PNPLA1: variants seen among roughly 807,000 people sequenced by gnomAD.
PNPLA1 encodes omega-hydroxyceramide transacylase.
A neutral mutation model predicts 51.7 loss-of-function variants in PNPLA1; 36 were observed. The ratio of observed to expected loss-of-function variants is 0.70; its 90% CI spans 0.53 to 0.92. The LOEUF (loss-of-function observed/expected upper bound fraction) is 0.92, where lower values mean the gene tolerates loss of function less well. PNPLA1 is among the 40% of genes least tolerant of loss of function. The pLI is 0.00. For synonymous variants in PNPLA1, 293 were observed against 280.1 expected (o/e 1.05, Z -0.46); for missense variants, 658 against 682.5 (o/e 0.96, Z 0.40).
chr6:36,305,538 A>G (rs1582104273), intron 6 of PNPLA1, among the ~76,000 whole-genome samples: 1 of 152,090 alleles, frequency 6.6e-6, no homozygotes. Context: ...ATTAACCTTC[A>G]TGTATTATGT....
intron 1 of PNPLA1, among the ~76,000 whole-genome samples, chr6:36,278,035 G>C (rs1770165309): frequency 6.6e-6 from 1 of 152,162 alleles, no homozygotes; most frequent in Non-Finnish European, 1.5e-5. Flanking sequence ...TGCCTAGAAT[G>C]ACCCTCTGCC....
chr6:36,250,442 C>A (rs4713941), intron 1 of PNPLA1, among the ~76,000 whole-genome samples: 2 of 151,986 alleles, frequency 1.3e-5, no homozygotes, highest in Non-Finnish European at 2.9e-5. Context: ...GAAACCAACC[C>A]CAGCAGTTAT....
chr6:36,291,502 G>C lies in PNPLA1; in HGVS notation c.388G>C (p.Gly130Arg). 1 of 1,609,952 alleles carries C rather than the reference G, an allele frequency of 6.2e-7. No individual in the cohort carries two copies. The highest frequency in any genetic ancestry group is 8.5e-7 in the Non-Finnish European group (1 of 1,178,100). The change falls in exon 2 of 9, where the codon GGG becomes CGG. Residue 130 changes from glycine (G) to arginine (R), a missense_variant. Coordinates refer to ENST00000636260, the MANE Select transcript of PNPLA1 (RefSeq NM_001374623.1). ...TGTGAGCCTCACCCGCTTAACGGAC[G>C]GGGAGAATGTGGTGGTTTCAGAGTT... ...LHVSLTRLTD[G>R]ENVVVSEFTS...
chr6:36,275,948 T>TTTTCTTTCTTTCTTTCTTTCTTTC lies in PNPLA1; in HGVS notation c.205+5288_205+5311dup, dbSNP rs547037174. On this transcript the variant is annotated intron_variant, in intron 1 of 8. Transcript: ENST00000636260. The stretch of plus-strand genomic sequence containing the variant: ...AATGGGACCTTTTTTACCTATGGCA[T>TTTTCTTTCTTTCTTTCTTTCTTTC]TTTCTTTCTTTCTTTCTTTCTTTCT... Among the ~76,000 whole-genome samples, 137 of 141,296 alleles carry TTTTCTTTCTTTCTTTCTTTCTTTC rather than the reference T, an allele frequency of 9.7e-4. 7 individuals are homozygous for TTTTCTTTCTTTCTTTCTTTCTTTC. Among genetic ancestry groups the TTTTCTTTCTTTCTTTCTTTCTTTC allele is most frequent in the African/African-American group, 3.5e-3 (127 of 36,498 alleles). 92.7% of individuals were successfully genotyped at this position (141,296 alleles called of 152,430 possible).
intron 2 of PNPLA1, 27 bp downstream of exon 2, chr6:36,291,579 G>GGGGGGGGGGGC: frequency 9.6e-6 from 1 of 103,658 alleles, no homozygotes; most frequent in Non-Finnish European, 2.0e-5. Flanking sequence ...GGGAGGGAGG[G>GGGGGGGGGGGC]ACACGGAGGG....
intron 1 of PNPLA1, among the ~76,000 whole-genome samples, chr6:36,255,954 C>G (rs1276620912): frequency 6.6e-6 from 1 of 152,272 alleles, no homozygotes; most frequent in African/African-American, 2.4e-5. Flanking sequence ...TGTTCACATA[C>G]CACACTTTGA....
intron 1 of PNPLA1, among the ~76,000 whole-genome samples, chr6:36,257,383 G>A (rs900793512): frequency 2.6e-5 from 4 of 152,340 alleles, no homozygotes; most frequent in African/African-American, 9.6e-5. Flanking sequence ...GCGGCTCAGA[G>A]ACATGATTAA....
intron 1 of PNPLA1, among the ~76,000 whole-genome samples, chr6:36,282,266 G>T (rs992000220): frequency 6.6e-6 from 1 of 151,950 alleles, no homozygotes; most frequent in East Asian, 1.9e-4. Context: ...AAGAAAGAAA[G>T]AAAGAAAGAT....
At chr6:36,275,239 C>T (rs115395512) in intron 1 of PNPLA1, among the ~76,000 whole-genome samples, 1 of 152,118 alleles carries the variant, frequency 6.6e-6, no homozygotes, top group South Asian at 2.1e-4. Context: ...CCACCACGCC[C>T]GGCTAATTTT....
chr6:36,260,287 C>T (rs1426838724), intron 1 of PNPLA1, among the ~76,000 whole-genome samples: 2 of 151,438 alleles, frequency 1.3e-5, no homozygotes, highest in African/African-American at 4.9e-5. Context: ...TGACCCTGTC[C>T]CTAAAATATA....
chr6:36,273,728 CAAAAAAAA>C (rs57186870), intron 1 of PNPLA1, among the ~76,000 whole-genome samples: 3 of 48,208 alleles, frequency 6.2e-5, no homozygotes, highest in East Asian at 6.9e-4. Context: ...GACCCCATCG[CAAAAAAAA>C]AAAAAAAAAA....
chr6:36,283,527 T>C (rs1388848330), intron 1 of PNPLA1, among the ~76,000 whole-genome samples: 1 of 152,100 alleles, frequency 6.6e-6, no homozygotes, highest in Non-Finnish European at 1.5e-5. Context: ...CTGGGCATGG[T>C]GGTGCACCTG....
In PNPLA1 at chr6:36,304,341, A is replaced by G. The variant is rs1389350777; in HGVS notation, c.1384+1872A>G. On this transcript the variant is annotated intron_variant, in intron 6 of 8. Transcript: ENST00000636260. ...ACTTTGACTCTTTTAATGAGACAAA[A>G]ACAAAACACCATTAAGAAAATTAGG... Among the ~76,000 whole-genome samples, 3 of 152,306 alleles carry G rather than the reference A, an allele frequency of 2.0e-5. No individual in the cohort carries two copies. The East Asian group carries it at 5.8e-4, about 29-fold the overall frequency.
intron 1 of PNPLA1, among the ~76,000 whole-genome samples, chr6:36,258,582 AT>A (rs1754241469): frequency 6.6e-6 from 1 of 152,076 alleles, no homozygotes; most frequent in Admixed American, 6.5e-5. Context: ...TGAATGCAAA[AT>A]TTTTGTTAGT....
intron 2 of PNPLA1, among the ~76,000 whole-genome samples, chr6:36,292,153 G>A (rs760880724): frequency 2.6e-5 from 4 of 152,150 alleles, no homozygotes; most frequent in Non-Finnish European, 5.9e-5. Context: ...GTTAAGCTGT[G>A]TGGCCTCCTT....
chr6:36,313,285 C>A lies in PNPLA1; in HGVS notation c.*1399C>A, dbSNP rs550197246. ...ACAACTTCAGCCTCAATTTTTCCAG[C>A]CTGTCCAGAAAATAATTGCCCCCCT... is the stretch of plus-strand genomic sequence containing the variant. On this transcript the variant is annotated 3_prime_UTR_variant, in exon 9 of 9. Coordinates refer to ENST00000636260, the MANE Select transcript of PNPLA1 (RefSeq NM_001374623.1). Among the ~76,000 whole-genome samples the A allele has an allele frequency of 6.6e-6, 1 of 152,266 alleles. No individual in the cohort carries two copies. Among genetic ancestry groups the A allele is most frequent in the South Asian group, 2.1e-4 (1 of 4,816 alleles).
intron 6 of PNPLA1, among the ~76,000 whole-genome samples, chr6:36,305,710 T>C (rs1029531086): frequency 2.6e-5 from 4 of 151,846 alleles, no homozygotes; most frequent in Non-Finnish European, 4.4e-5. Context: ...TTCCCTAACA[T>C]GCTGCTTTCT....
intron 1 of PNPLA1, among the ~76,000 whole-genome samples, chr6:36,287,746 A>G (rs1440878635): frequency 1.7e-5 from 2 of 120,914 alleles, no homozygotes; most frequent in Non-Finnish European, 3.3e-5. Context: ...GACTTTGAAG[A>G]CAGACAGAAA....
At chr6:36,302,568 G>A (rs1412085304) in intron 6 of PNPLA1, 99 bp downstream of exon 6, 24 of 1,449,646 alleles carry the variant, frequency 1.7e-5, no homozygotes, top group Non-Finnish European at 2.0e-5. Flanking sequence ...TTAGGGGTGC[G>A]TGGCTGAAGT....
Sources: allele counts gnomAD v4.1 joint callset (sites outside exome capture counted in the v4.1 genomes callset), GRCh38; gene constraint gnomAD v4.1.1; transcripts MANE v1.5; gene names NCBI Gene and HGNC (gene_info 2026-07-23, HGNC 2026-07-21).